Variants in DLGAP4 observed in about 807,000 individuals in gnomAD.
DLGAP4 encodes the protein DLG associated protein 4, also known as disks large-associated protein 4.
DLGAP4 carries 18 observed loss-of-function variants against 86.9 expected under a neutral mutation model. The observed-to-expected ratio is 0.21, with a 90% CI of 0.14 to 0.31. The LOEUF is 0.31. Among genes scored for constraint, DLGAP4 ranks in the 10% least tolerant of loss-of-function variants. The pLI is 1.00. For missense variants in DLGAP4, 1,085 were observed against 1,362.6 expected, an observed-to-expected ratio of 0.80 and a Z score of 3.21; for synonymous variants, 548 against 574.3, an observed-to-expected ratio of 0.95 and a Z score of 0.65.
rs766134114 is a variant in DLGAP4 at position 36,524,237 on chromosome 20, C to T, written c.2513-13C>T. 3.7e-6 allele frequency: 6 copies of T among 1,611,346 alleles called. No individual in the cohort carries two copies. In the East Asian group the frequency reaches 1.1e-4, roughly 30 times the overall value. On this transcript the variant is annotated splice_polypyrimidine_tract_variant and intron_variant, in intron 10 of 12. Transcript: ENST00000339266. The stretch of plus-strand genomic sequence containing the variant: ...TGTGCTAAATCAGTCTTTTTCCACC[C>T]TCTGTTTCTCAGTCTTAGGAAAAGT...
At chr20:36,461,327 C>T (rs1251472252) in intron 7 of DLGAP4, 1 of 404,362 alleles carries the variant, frequency 2.5e-6, no homozygotes, top group Non-Finnish European at 3.3e-6. Context: ...CCCGGCTGCG[C>T]GCGCCGGGCC....
At chr20:36,441,851 C>A (rs1415601649) in intron 5 of DLGAP4, among the ~76,000 whole-genome samples, 1 of 152,200 alleles carries the variant, frequency 6.6e-6, no homozygotes, top group East Asian at 1.9e-4. Context: ...CCCATCTCCA[C>A]CCCCGCCTGG....
chr20:36,413,705 CA>C lies in DLGAP4; in HGVS notation c.-72-17940del, dbSNP rs1846199075. Reference sequence around the variant, plus strand: ...AAATGCTGGAATTACAGGCATAAGCCACCGCGCCCGGCCTATTCTGGACATT... The same window carrying C: ...AAATGCTGGAATTACAGGCATAAGCCCCGCGCCCGGCCTATTCTGGACATT... On this transcript the variant is annotated intron_variant, in intron 2 of 12. Coordinates refer to ENST00000339266, the MANE Select transcript of DLGAP4 (RefSeq NM_001365621.2). Among the ~76,000 whole-genome samples the C allele has an allele frequency of 2.0e-5, 3 of 152,098 alleles. No individual in the cohort carries two copies. The South Asian group carries it at 6.2e-4, about 32-fold the overall frequency.
chr20:36,452,857 G>C (rs1202180899), intron 7 of DLGAP4, among the ~76,000 whole-genome samples: 1 of 111,166 alleles, frequency 9.0e-6, no homozygotes, highest in Non-Finnish European at 1.7e-5. Flanking sequence ...TTTTGAGACA[G>C]AGTCTCCCTC....
In DLGAP4 at chr20:36,496,879, C is replaced by T. The variant is rs768625699; in HGVS notation, c.1823C>T (p.Ser608Leu). 3.1e-6 allele frequency: 5 copies of T among 1,614,098 alleles called. No homozygotes were observed. The highest frequency in any genetic ancestry group is 2.2e-5 in the East Asian group (1 of 44,906). Residue 608 changes from serine to leucine, a missense_variant, in exon 8 of 13, where the codon TCG becomes TTG. Transcript: ENST00000339266. ...ACTAGCCAGTCGGGCCTGAGCAACT[C>T]GTCGGACAGCCTGGACAGCAGTACC... ...EVTSQSGLSNSSDSLDSSTRP... is the reference protein window; with the variant it reads ...EVTSQSGLSNLSDSLDSSTRP...
chr20:36,517,290 A>C (rs2037101641), intron 10 of DLGAP4, among the ~76,000 whole-genome samples: 1 of 152,062 alleles, frequency 6.6e-6, no homozygotes, highest in South Asian at 2.1e-4. Context: ...AGGCATGAGA[A>C]TTGCATGAAC....
intron 5 of DLGAP4, among the ~76,000 whole-genome samples, chr20:36,442,220 G>T (rs572185959): frequency 2.0e-5 from 3 of 152,288 alleles, no homozygotes; most frequent in African/African-American, 7.2e-5. Flanking sequence ...TTGAGATGGA[G>T]TTTCGCTCTT....
At chr20:36,400,726 A>G (rs572084877) in intron 2 of DLGAP4, among the ~76,000 whole-genome samples, 1 of 151,304 alleles carries the variant, frequency 6.6e-6, no homozygotes, top group East Asian at 2.0e-4. Flanking sequence ...CTTGAAACAT[A>G]TACTTTAGGA....
At chr20:36,444,247 A>C (rs1274074812) in intron 6 of DLGAP4, among the ~76,000 whole-genome samples, 1 of 152,226 alleles carries the variant, frequency 6.6e-6, no homozygotes, top group African/African-American at 2.4e-5. Flanking sequence ...TATAATTCAC[A>C]CTGCCCAATG....
chr20:36,371,555 C>A (rs1272359962), intron 2 of DLGAP4, among the ~76,000 whole-genome samples: 2 of 152,208 alleles, frequency 1.3e-5, no homozygotes, highest in East Asian at 3.9e-4. Context: ...GTGCATCCAG[C>A]CGTGCTGGAC....
At chr20:36,523,519 T>C (rs1001125073) in intron 10 of DLGAP4, among the ~76,000 whole-genome samples, 4 of 152,236 alleles carry the variant, frequency 2.6e-5, no homozygotes, top group African/African-American at 9.6e-5. Context: ...TTTCCATGTT[T>C]ATTTAATCTC....
intron 1 of DLGAP4, among the ~76,000 whole-genome samples, chr20:36,326,027 CTT>C (rs2065212827): frequency 6.6e-6 from 1 of 152,034 alleles, no homozygotes; most frequent in African/African-American, 2.4e-5. Context: ...CTGAAACAGA[CTT>C]TTTCTGATGT....
chr20:36,508,422 C>CTTTTTT (rs745815364), intron 10 of DLGAP4: 968 of 94,258 alleles, frequency 0.01, 28 homozygotes, highest in African/African-American at 0.025. Context: ...TTTCAGGGTT[C>CTTTTTT]TTTTTTTTTT....
chr20:36,400,506 G>T (rs1191115196), intron 2 of DLGAP4, among the ~76,000 whole-genome samples: 3 of 152,162 alleles, frequency 2.0e-5, no homozygotes, highest in Non-Finnish European at 4.4e-5. Context: ...AATTACGTGT[G>T]TAGGTAGGTA....
intron 1 of DLGAP4, among the ~76,000 whole-genome samples, chr20:36,325,579 C>T (rs2065207714): frequency 6.6e-6 from 1 of 152,168 alleles, no homozygotes; most frequent in African/African-American, 2.4e-5. Context: ...TTGCCTATTT[C>T]TCCTTACATT....
chr20:36,521,714 TG>T (rs2037389664), intron 10 of DLGAP4, among the ~76,000 whole-genome samples: 2 of 152,208 alleles, frequency 1.3e-5, no homozygotes, highest in Admixed American at 1.3e-4. Flanking sequence ...ATTTTCCTCC[TG>T]CTCTAGTTCC....
chr20:36,495,867 GTGTTTGTTTGTT>G (rs751146631), intron 7 of DLGAP4, among the ~76,000 whole-genome samples: 1 of 152,140 alleles, frequency 6.6e-6, no homozygotes, highest in Non-Finnish European at 1.5e-5. Context: ...GTTTGTTCAT[GTGTTTGTTTGTT>G]TGTTTGTTTT....
At chr20:36,402,868 G>T (rs1228650516) in intron 2 of DLGAP4, among the ~76,000 whole-genome samples, 3 of 152,204 alleles carry the variant, frequency 2.0e-5, no homozygotes, top group African/African-American at 7.2e-5. Flanking sequence ...CACACAGATG[G>T]TGGAGGAATT....
intron 12 of DLGAP4, chr20:36,526,230 G>A: frequency 1.5e-6 from 1 of 646,604 alleles, no homozygotes; most frequent in Non-Finnish European, 2.7e-6. Flanking sequence ...TGCCCTGCAT[G>A]TCCAGAAAAG....
Sources: allele counts gnomAD v4.1 joint callset (sites outside exome capture counted in the v4.1 genomes callset), GRCh38; gene constraint gnomAD v4.1.1; transcripts MANE v1.5; gene names NCBI Gene and HGNC (gene_info 2026-07-23, HGNC 2026-07-21).